Variants in SEC24B observed in about 807,000 individuals in gnomAD.
SEC24B encodes SEC24 homolog B, COPII component, also known as protein transport protein Sec24B.
Under a neutral mutation model 142.8 loss-of-function variants are expected in SEC24B, and 45 were observed. The ratio of observed to expected loss-of-function variants is 0.32; its 90% confidence interval spans 0.25 to 0.40. SEC24B has a LOEUF of 0.40. SEC24B is among the 10% of genes least tolerant of loss of function. The probability of loss-of-function intolerance (pLI) is 1.00; values close to 1 mark genes in which losing one functional copy is unlikely to be tolerated. For missense variants in SEC24B, 1,409 were observed against 1,526.8 expected (o/e 0.92, Z 1.29); for synonymous variants, 574 against 568.2 (o/e 1.01, Z -0.15).
chr4:109,467,251 G>T (rs969465762), intron 2 of SEC24B, among the ~76,000 whole-genome samples: 2 of 150,294 alleles, frequency 1.3e-5, no homozygotes, highest in African/African-American at 4.9e-5. Context: ...GCGTGAACCC[G>T]GGAGGCGGAG....
chr4:109,465,549 C>G (rs1016148430), intron 2 of SEC24B, among the ~76,000 whole-genome samples: 1 of 152,216 alleles, frequency 6.6e-6, no homozygotes, highest in African/African-American at 2.4e-5. Flanking sequence ...GTTTTCCTCT[C>G]TCTTCTTTCA....
At chr4:109,522,619 T>G (rs1028730966) in intron 14 of SEC24B, among the ~76,000 whole-genome samples, 1 of 152,232 alleles carries the variant, frequency 6.6e-6, no homozygotes, top group African/African-American at 2.4e-5. Flanking sequence ...AATAAACTTT[T>G]TAATTATGAA....
chr4:109,466,504 A>G (rs1003736128), intron 2 of SEC24B, among the ~76,000 whole-genome samples: 2 of 152,170 alleles, frequency 1.3e-5, no homozygotes, highest in African/African-American at 4.8e-5. Flanking sequence ...TCCGCCTTCC[A>G]GGTTCATGCC....
At chr4:109,437,844 C>G (rs1042536795) in intron 1 of SEC24B, among the ~76,000 whole-genome samples, 2 of 152,122 alleles carry the variant, frequency 1.3e-5, no homozygotes, top group Non-Finnish European at 2.9e-5. Flanking sequence ...AGGATGGTCT[C>G]CATCTCCTGA....
chr4:109,501,316 A>C (rs1457270420), intron 6 of SEC24B, among the ~76,000 whole-genome samples: 1 of 152,184 alleles, frequency 6.6e-6, no homozygotes, highest in African/African-American at 2.4e-5. Flanking sequence ...TAGGTTTGTG[A>C]GTACACTCTG....
intron 2 of SEC24B, among the ~76,000 whole-genome samples, chr4:109,464,435 C>T (rs576678278): frequency 1.1e-4 from 16 of 152,174 alleles, no homozygotes; most frequent in Non-Finnish European, 2.2e-4. Context: ...AGGCATACGC[C>T]ACCACACCCA....
chr4:109,491,543 C>T (rs1735021141), intron 5 of SEC24B, 136 bp downstream of exon 5: 1 of 591,054 alleles, frequency 1.7e-6, no homozygotes, highest in Admixed American at 3.0e-5. Flanking sequence ...TCTGGCACTT[C>T]TCAGCCTCAA....
intron 3 of SEC24B, among the ~76,000 whole-genome samples, chr4:109,477,282 C>T (rs893631111): frequency 2.6e-5 from 4 of 151,840 alleles, no homozygotes; most frequent in African/African-American, 7.3e-5. Context: ...TTCCTTCTAC[C>T]ATGGCCAATA....
intron 1 of SEC24B, among the ~76,000 whole-genome samples, chr4:109,458,116 C>T (rs1426497976): frequency 6.6e-6 from 1 of 150,746 alleles, no homozygotes; most frequent in African/African-American, 2.4e-5. Context: ...CTCTATGTTT[C>T]TTAGATCATT....
At chr4:109,447,063 A>G (rs1207528974) in intron 1 of SEC24B, among the ~76,000 whole-genome samples, 1 of 152,082 alleles carries the variant, frequency 6.6e-6, no homozygotes, top group East Asian at 1.9e-4. Flanking sequence ...TTGTAGGATT[A>G]GAGAATGTTT....
At position 109,435,301 on chromosome 4, in the gene SEC24B, G is replaced by T. The variant is rs541412640; in HGVS notation, c.133+1299G>T. On this transcript the variant is annotated intron_variant, in intron 1 of 23. Transcript: ENST00000265175. The stretch of plus-strand genomic sequence containing the variant: ...GTCATTGTTTACTATAATCGCTTTT[G>T]GATATAAACCTGTTCTGAACAAATG... 3.9e-5 allele frequency among the ~76,000 whole-genome samples: 6 copies of T among 152,242 alleles called. No homozygotes were observed. The East Asian group carries it at 1.2e-3, about 29-fold the overall frequency.
chr4:109,439,110 A>G (rs914436745), intron 1 of SEC24B, among the ~76,000 whole-genome samples: 2 of 152,210 alleles, frequency 1.3e-5, no homozygotes, highest in African/African-American at 4.8e-5. Flanking sequence ...ATCCTTCCAT[A>G]TGCCCTTTTC....
intron 2 of SEC24B, among the ~76,000 whole-genome samples, chr4:109,464,494 G>A (rs1296383894): frequency 1.3e-5 from 2 of 152,196 alleles, no homozygotes; most frequent in East Asian, 1.9e-4. Context: ...AGCTGGTCTC[G>A]AACACGCGAG....
At chr4:109,514,956 G>T (rs1201871279) in intron 10 of SEC24B, among the ~76,000 whole-genome samples, 2 of 151,980 alleles carry the variant, frequency 1.3e-5, no homozygotes, top group Admixed American at 6.6e-5. Flanking sequence ...TTACTCTCAA[G>T]CCCTACCTTC....
chr4:109,540,742 G>A lies in SEC24B; in HGVS notation c.*1067G>A, dbSNP rs1726084403. On this transcript the variant is annotated 3_prime_UTR_variant, in exon 24 of 24. Transcript: ENST00000265175. ...TGCTAAAAATACCAAAATTAGCCAGGGGTGCTGGCGGGCACCTGTAATCCC... is the reference window on the plus strand; with the variant it reads ...TGCTAAAAATACCAAAATTAGCCAGAGGTGCTGGCGGGCACCTGTAATCCC... The A allele has an allele frequency of 6.6e-6, 1 of 152,070 alleles. No individual in the cohort carries two copies. Among genetic ancestry groups the A allele is most frequent in the Admixed American group, 6.6e-5 (1 of 15,264 alleles). 9.4% of individuals were successfully genotyped at this position (152,070 alleles called of 1,614,324 possible). A position where few individuals can be genotyped will look rare whatever the true frequency, so the allele number is the denominator to read the frequency against.
chr4:109,510,934 C>G (rs1182922078), intron 8 of SEC24B, among the ~76,000 whole-genome samples: 1 of 151,964 alleles, frequency 6.6e-6, no homozygotes, highest in Non-Finnish European at 1.5e-5. Flanking sequence ...AAATTAAAAG[C>G]TTCCTTGTGA....
At chr4:109,501,530 G>T (rs1186964809) in intron 6 of SEC24B, among the ~76,000 whole-genome samples, 1 of 152,180 alleles carries the variant, frequency 6.6e-6, no homozygotes, top group African/African-American at 2.4e-5. Flanking sequence ...GAATGCAATG[G>T]CAGGATCGCG....
At chr4:109,534,702 G>C (rs77970212) in intron 22 of SEC24B, among the ~76,000 whole-genome samples, 2,249 of 152,212 alleles carry the variant, frequency 0.015, 37 homozygotes, top group African/African-American at 0.038. Context: ...AATAAATAAA[G>C]TAAAAATGCA....
rs184698951 is a variant in SEC24B, at chr4:109,523,236, A to G, written c.2509-1582A>G. Among the ~76,000 whole-genome samples, 7 of 152,220 alleles carry G rather than the reference A, an allele frequency of 4.6e-5. No individual in the cohort carries two copies. In the East Asian group the frequency reaches 5.8e-4, roughly 13 times the overall value. ...TATAATCCCGGCACTTTGGGAGGCAAAGGTGGGTGGATCACTTGAGTTCAG... is the reference window on the plus strand; with the variant it reads ...TATAATCCCGGCACTTTGGGAGGCAGAGGTGGGTGGATCACTTGAGTTCAG... On this transcript the variant is annotated intron_variant, in intron 14 of 23. Coordinates refer to ENST00000265175, the MANE Select transcript of SEC24B (RefSeq NM_006323.5).
Sources: gnomAD v4.1 joint callset for allele counts (sites outside exome capture counted in the v4.1 genomes callset) on GRCh38, gnomAD v4.1.1 for gene constraint, MANE v1.5 for transcripts, NCBI Gene and HGNC (gene_info 2026-07-23, HGNC 2026-07-21) for gene names.